Variants in ZNF732 observed in about 807,000 individuals in gnomAD.
The protein encoded by ZNF732 is zinc finger protein 732, also known as zinc finger protein LOC654254.
ZNF732 carries 12 observed loss-of-function variants against 11.5 expected under a neutral mutation model. The observed-to-expected ratio is 1.05, with a 90% CI of 0.67 to 1.70. The LOEUF is 1.70. Ranked by LOEUF, ZNF732 falls within the 40% of genes most tolerant of loss-of-function variation. The pLI, the probability that ZNF732 is intolerant of heterozygous loss-of-function variation, is 0.00. For synonymous variants in ZNF732, 231 were observed against 236.5 expected (o/e 0.98, Z 0.21); for missense variants, 702 against 676.9 (o/e 1.04, Z -0.41).
At chr4:286,427 A>G (rs1387830300) in intron 3 of ZNF732, among the ~76,000 whole-genome samples, 2 of 152,254 alleles carry the variant, frequency 1.3e-5, no homozygotes, top group African/African-American at 4.8e-5. Flanking sequence ...TTCTTAATAA[A>G]GACAATTTTG....
In ZNF732 at chr4:295,524, A is replaced by T. The variant is rs1553842132; in HGVS notation, c.140T>A (p.Ile47Asn). 2 of 1,612,052 alleles carry T rather than the reference A, an allele frequency of 1.2e-6. No individual in the cohort carries two copies. The highest frequency in any genetic ancestry group is 3.4e-5 in the Admixed American group (2 of 59,686). ...ATAGATGACCAGGTCTGGGTTAGAG[A>T]TAGCAACACCTGTTTATTTTAAAAA... ...YRNLISLGVA[I>N]SNPDLVIYLE... is the part of the protein sequence containing the mutation. The change falls in exon 3 of 4, where the codon ATC becomes AAC. Residue 47 changes from isoleucine (I) to asparagine (N), a missense_variant. Physicochemically the swap from Ile to Asn is moderately radical, Grantham distance 149. Transcript: ENST00000419098.
At chr4:289,981 G>A (rs1195382043) in intron 3 of ZNF732, among the ~76,000 whole-genome samples, 1 of 152,176 alleles carries the variant, frequency 6.6e-6, no homozygotes, top group Non-Finnish European at 1.5e-5. Flanking sequence ...TTAAAAGGAT[G>A]TGGCTTACAC....
intron 3 of ZNF732, among the ~76,000 whole-genome samples, chr4:286,312 T>G (rs1182631189): frequency 6.6e-6 from 1 of 152,156 alleles, no homozygotes; most frequent in Non-Finnish European, 1.5e-5. Flanking sequence ...ACAATGACAG[T>G]GAACAGAAGA....
intron 1 of ZNF732, among the ~76,000 whole-genome samples, chr4:299,459 GTGTATA>G (rs1720051875): frequency 5.1e-5 from 2 of 38,912 alleles, no homozygotes; most frequent in Non-Finnish European, 6.1e-5. Flanking sequence ...ATACACATAT[GTGTATA>G]TATATATACA....
chr4:304,702 C>G (rs1720191183), intron 1 of ZNF732, among the ~76,000 whole-genome samples: 1 of 152,190 alleles, frequency 6.6e-6, no homozygotes, highest in African/African-American at 2.4e-5. Flanking sequence ...CTCAGCGAAG[C>G]GCTGTGCGCG....
chr4:285,831 C>T (rs1183899341), intron 3 of ZNF732, among the ~76,000 whole-genome samples: 2 of 152,180 alleles, frequency 1.3e-5, no homozygotes, highest in East Asian at 3.8e-4. Context: ...ACTCAACCTC[C>T]CAGGGTTCAA....
At chr4:301,182 C>G (rs1720110069) in intron 1 of ZNF732, among the ~76,000 whole-genome samples, 1 of 152,160 alleles carries the variant, frequency 6.6e-6, no homozygotes, top group African/African-American at 2.4e-5. Flanking sequence ...CATCTCACAC[C>G]AGTTAGAATG....
chr4:270,749 C>A lies in ZNF732; in HGVS notation c.*350G>T. The A allele has an allele frequency of 4.3e-6, 2 of 461,122 alleles. No homozygotes were observed. The highest frequency in any genetic ancestry group is 4.2e-6 in the Non-Finnish European group (1 of 240,676). 28.6% of individuals were successfully genotyped at this position (461,122 alleles called of 1,614,324 possible). A position where few individuals can be genotyped will look rare whatever the true frequency, so the allele number is the denominator to read the frequency against. On this transcript the variant is annotated 3_prime_UTR_variant, in exon 4 of 4. Coordinates refer to ENST00000419098, the MANE Select transcript of ZNF732 (RefSeq NM_001137608.3). ...GGTGAGGACCGTTTATAGGCTTTCC[C>A]ACATTCTTTACATTTGTAGGATTCA...
chr4:305,033 C>G (rs1720201732), intron 1 of ZNF732, among the ~76,000 whole-genome samples: 3 of 152,210 alleles, frequency 2.0e-5, no homozygotes, highest in Non-Finnish European at 1.5e-5. Context: ...TCGCACGCCA[C>G]GCAGGCGTTT....
chr4:301,078 AAAG>A (rs1440414801), intron 1 of ZNF732, among the ~76,000 whole-genome samples: 2 of 152,250 alleles, frequency 1.3e-5, no homozygotes, highest in East Asian at 1.9e-4. Context: ...ACACTTCTCA[AAAG>A]AAGACATTTA....
In ZNF732 at chr4:294,557, T is replaced by A. The variant is rs534058656; in HGVS notation, c.226+881A>T. Among the ~76,000 whole-genome samples, 8 of 152,294 alleles carry A rather than the reference T, an allele frequency of 5.3e-5. No individual in the cohort carries two copies. The East Asian group carries it at 1.5e-3, about 29-fold the overall frequency. On this transcript the variant is annotated intron_variant, in intron 3 of 3. Transcript: ENST00000419098. Reference sequence around the variant, plus strand: ...CAATGTTCTAAGCTGGTTAATGACATAGAACATTTAAGAAATCTAGAAGGT... The same window carrying A: ...CAATGTTCTAAGCTGGTTAATGACAAAGAACATTTAAGAAATCTAGAAGGT...
At chr4:298,419 A>C (rs1553842807) in intron 1 of ZNF732, among the ~76,000 whole-genome samples, 2 of 149,156 alleles carry the variant, frequency 1.3e-5, no homozygotes, top group Non-Finnish European at 3.0e-5. Flanking sequence ...CTTTTCACCA[A>C]AAAAAAAAAC....
In ZNF732 at chr4:299,474, C is replaced by CACATATAT. The variant is rs1329354976; in HGVS notation, c.4-3327_4-3320dup. ...ATACACATATGTGTATATATATATA[C>CACATATAT]ACATATATACACATATGTGTGTATA... On this transcript the variant is annotated intron_variant, in intron 1 of 3. Transcript: ENST00000419098. Among the ~76,000 whole-genome samples the CACATATAT allele has an allele frequency of 1.5e-3, 68 of 44,366 alleles. 4 individuals carry two copies. The highest frequency in any genetic ancestry group is 4.3e-3 in the African/African-American group (63 of 14,784). The allele number at this position is 44,366 out of a possible 152,430, so 29.1% of individuals were successfully genotyped here.
intron 3 of ZNF732, among the ~76,000 whole-genome samples, chr4:291,078 G>C (rs753033110): frequency 1.6e-4 from 25 of 152,144 alleles, no homozygotes; most frequent in Non-Finnish European, 2.4e-4. Flanking sequence ...GCAAGGAAAA[G>C]GAGAACAAAG....
At position 272,104 on chromosome 4, in the gene ZNF732, T is replaced by G; in HGVS notation, c.753A>C (p.Lys251Asn). ...TAAAGGCTTTGCCACATTCTTCATATTTGTAAGATTTCTCTCCAGTATGAA... is the reference window on the plus strand; with the variant it reads ...TAAAGGCTTTGCCACATTCTTCATAGTTGTAAGATTTCTCTCCAGTATGAA... Reference protein sequence around the residue: ...HKVHTGEKSYKYEECGKAFNR... With the variant: ...HKVHTGEKSYNYEECGKAFNR... Residue 251 changes from lysine to asparagine, a missense_variant, in exon 4 of 4, where the codon AAA (lysine) becomes AAC (asparagine). Coordinates refer to ENST00000419098, the MANE Select transcript of ZNF732 (RefSeq NM_001137608.3). 1 of 1,612,278 alleles carries G rather than the reference T, an allele frequency of 6.2e-7. No homozygotes were observed.
At chr4:292,890 C>CAAAAAAAAAAAAA (rs34118991) in intron 3 of ZNF732, among the ~76,000 whole-genome samples, 4 of 79,494 alleles carry the variant, frequency 5.0e-5, no homozygotes, top group African/African-American at 9.8e-5. Flanking sequence ...ACTAAAAACA[C>CAAAAAAAAAAAAA]AAAAAAAAAA....
At chr4:291,058 GAAC>G (rs1196023953) in intron 3 of ZNF732, among the ~76,000 whole-genome samples, 1 of 152,096 alleles carries the variant, frequency 6.6e-6, no homozygotes, top group African/African-American at 2.4e-5. Flanking sequence ...AAATGTACCA[GAAC>G]AATTAGGCAA....
intron 3 of ZNF732, among the ~76,000 whole-genome samples, chr4:293,241 T>G (rs1719878434): frequency 6.9e-6 from 1 of 145,876 alleles, no homozygotes; most frequent in African/African-American, 2.6e-5. Flanking sequence ...ATGGTGTGTG[T>G]GTGTATATAT....
At chr4:290,820 C>T (rs1160977346) in intron 3 of ZNF732, among the ~76,000 whole-genome samples, 1 of 152,206 alleles carries the variant, frequency 6.6e-6, no homozygotes, top group Non-Finnish European at 1.5e-5. Context: ...CCCAGCAGCA[C>T]CCTTGTGACC....
Sources: allele counts gnomAD v4.1 joint callset (sites outside exome capture counted in the v4.1 genomes callset), GRCh38; gene constraint gnomAD v4.1.1; transcripts MANE v1.5; gene names NCBI Gene and HGNC (gene_info 2026-07-23, HGNC 2026-07-21).